SUSD5: variants seen among roughly 807,000 people sequenced by gnomAD.
SUSD5 encodes sushi domain containing 5.
In SUSD5, 33 loss-of-function variants were observed where a neutral mutation model predicts 29.5. That is an observed-to-expected ratio of 1.12 (90% confidence interval 0.85 to 1.49). The LOEUF is 1.49. SUSD5 is among the 40% of genes most tolerant of loss of function. The pLI is 0.00. For synonymous variants in SUSD5, 308 were observed against 325.3 expected (o/e 0.95, Z 0.57); for missense variants, 776 against 800.6 (o/e 0.97, Z 0.37).
intron 3 of SUSD5, among the ~76,000 whole-genome samples, chr3:33,175,692 A>G (rs2031537775): frequency 6.6e-6 from 1 of 151,998 alleles, no homozygotes; most frequent in Non-Finnish European, 1.5e-5. Context: ...TAAAAAATTG[A>G]TTATTTTTTA....
rs1038026228 is a variant in SUSD5, at chr3:33,151,985, A to G, written c.*757T>C. On this transcript the variant is annotated 3_prime_UTR_variant, in exon 5 of 5. Coordinates refer to ENST00000309558, the MANE Select transcript of SUSD5 (RefSeq NM_015551.2). ...CTGCCCTCAGCAACATCACAACATT[A>G]AAAGGAAACAACCCATTATTCTTCC... is the stretch of plus-strand genomic sequence containing the variant. The G allele has an allele frequency of 6.6e-6, 1 of 152,194 alleles. No homozygotes were observed. The highest frequency in any genetic ancestry group is 2.4e-5 in the African/African-American group (1 of 41,446). The allele number at this position is 152,194 out of a possible 1,614,324, so 9.4% of individuals were successfully genotyped here. A position where few individuals can be genotyped will look rare whatever the true frequency, so the allele number is the denominator to read the frequency against.
At chr3:33,155,954 A>C (rs2031041179) in intron 4 of SUSD5, among the ~76,000 whole-genome samples, 1 of 152,176 alleles carries the variant, frequency 6.6e-6, no homozygotes, top group South Asian at 2.1e-4. Context: ...CACCTGTGTC[A>C]AGGCCTAAAT....
intron 4 of SUSD5, among the ~76,000 whole-genome samples, chr3:33,157,098 C>T (rs2031073054): frequency 6.6e-6 from 1 of 152,226 alleles, no homozygotes; most frequent in Non-Finnish European, 1.5e-5. Context: ...CAGTCAGGCC[C>T]TTCACATTCC....
At chr3:33,185,552 A>G (rs2031761043) in intron 3 of SUSD5, among the ~76,000 whole-genome samples, 1 of 151,974 alleles carries the variant, frequency 6.6e-6, no homozygotes, top group Non-Finnish European at 1.5e-5. Flanking sequence ...ATCTGTTTTT[A>G]CCTGTTTCTC....
At position 33,153,097 on chromosome 3, in the gene SUSD5, G is replaced by A. The variant is rs772448037; in HGVS notation, c.1535C>T (p.Ser512Leu). 5.0e-6 allele frequency: 8 copies of A among 1,613,780 alleles called. No homozygotes were observed. In the South Asian group the frequency reaches 6.6e-5, roughly 13 times the overall value. Residue 512 changes from serine (S) to leucine (L), a missense_variant, in exon 5 of 5, where the codon TCA becomes TTA. Coordinates refer to ENST00000309558, the MANE Select transcript of SUSD5 (RefSeq NM_015551.2). ...AGGCTGGGTGGTTGCCATGATCGTTGAGGGGATGTGGTTAGGTGTCTGCTT... is the reference window on the plus strand; with the variant it reads ...AGGCTGGGTGGTTGCCATGATCGTTAAGGGGATGTGGTTAGGTGTCTGCTT... ...TVKQTPNHIPSTIMATTQPPV... is the reference protein window; with the variant it reads ...TVKQTPNHIPLTIMATTQPPV...
In SUSD5 at chr3:33,192,589, C is replaced by A. The variant is rs1006215261; in HGVS notation, c.409+15219G>T. Among the ~76,000 whole-genome samples, 4 of 151,660 alleles carry A rather than the reference C, an allele frequency of 2.6e-5. No individual in the cohort carries two copies. The South Asian group carries it at 8.4e-4, about 32-fold the overall frequency. On this transcript the variant is annotated intron_variant, in intron 3 of 4. Coordinates refer to ENST00000309558, the MANE Select transcript of SUSD5 (RefSeq NM_015551.2). The stretch of plus-strand genomic sequence containing the variant: ...TTAGGAGGCCAAGGCAGGTGGATCA[C>A]CTGAGGTCAGGAGTTCAAGACCAGC...
In SUSD5 at chr3:33,204,568, A is replaced by G. The variant is rs56191408; in HGVS notation, c.409+3240T>C. Reference sequence around the variant, plus strand: ...GATCTCCTGACCTCGTGATACACCCACCTCGGCCTCCCAAAGTGCTGGGAT... The same window carrying G: ...GATCTCCTGACCTCGTGATACACCCGCCTCGGCCTCCCAAAGTGCTGGGAT... On this transcript the variant is annotated intron_variant, in intron 3 of 4. Coordinates refer to ENST00000309558, the MANE Select transcript of SUSD5 (RefSeq NM_015551.2). This position sits in a 1 kb window ranked among gnomAD's most constrained non-coding sequence, Gnocchi z 4.5. Among the ~76,000 whole-genome samples, 18,527 of 151,550 alleles carry G rather than the reference A, an allele frequency of 0.12. 1,231 individuals carry two copies. Among genetic ancestry groups the G allele is most frequent in the East Asian group, 0.18 (912 of 5,138 alleles).
At chr3:33,165,689 C>T (rs1252233916) in intron 4 of SUSD5, among the ~76,000 whole-genome samples, 3 of 152,144 alleles carry the variant, frequency 2.0e-5, no homozygotes, top group Non-Finnish European at 1.5e-5. Flanking sequence ...AAAATTTCAC[C>T]TCATCATGTT....
At chr3:33,206,589 A>T (rs1377795711) in intron 3 of SUSD5, among the ~76,000 whole-genome samples, 1 of 152,124 alleles carries the variant, frequency 6.6e-6, no homozygotes, top group Non-Finnish European at 1.5e-5. Context: ...AGAAAGCAGC[A>T]GATGCAGAGC....
At chr3:33,171,754 C>A (rs533065450) in intron 4 of SUSD5, among the ~76,000 whole-genome samples, 3 of 152,340 alleles carry the variant, frequency 2.0e-5, no homozygotes, top group African/African-American at 7.2e-5. Context: ...ACCTCCTTCA[C>A]ACAGTGAAGC....
chr3:33,195,876 G>C (rs888208179), intron 3 of SUSD5, among the ~76,000 whole-genome samples: 1 of 151,958 alleles, frequency 6.6e-6, no homozygotes, highest in Non-Finnish European at 1.5e-5. Context: ...GATTATGAGA[G>C]ACCTTAATTT....
chr3:33,177,173 G>A (rs1448667416), intron 3 of SUSD5, among the ~76,000 whole-genome samples: 1 of 152,196 alleles, frequency 6.6e-6, no homozygotes, highest in Non-Finnish European at 1.5e-5. Flanking sequence ...CCTTGGTGAT[G>A]ACCTTGAGAA....
chr3:33,198,995 G>C (rs573835489), intron 3 of SUSD5, among the ~76,000 whole-genome samples: 2 of 152,208 alleles, frequency 1.3e-5, no homozygotes, highest in East Asian at 3.9e-4. Flanking sequence ...CTGGCCTCAA[G>C]AATACCCACG....
At chr3:33,159,270 G>A (rs569707255) in intron 4 of SUSD5, among the ~76,000 whole-genome samples, 16 of 152,286 alleles carry the variant, frequency 1.1e-4, no homozygotes, top group African/African-American at 2.9e-4. Flanking sequence ...GACTGATACT[G>A]TCCACGGGAA....
At position 33,153,091 on chromosome 3, in the gene SUSD5, A is replaced by G. The variant is rs771316823; in HGVS notation, c.1541T>C (p.Ile514Thr). 6.2e-7 allele frequency: 1 copy of G among 1,613,642 alleles called. No homozygotes were observed. The highest frequency in any genetic ancestry group is 1.3e-5 in the African/African-American group (1 of 74,860). The change falls in exon 5 of 5, where the codon ATC becomes ACC. Residue 514 changes from isoleucine to threonine, a missense_variant. By Grantham distance (89) the Ile-to-Thr change is moderately conservative (BLOSUM62 -1). Coordinates refer to ENST00000309558, the MANE Select transcript of SUSD5 (RefSeq NM_015551.2). The stretch of plus-strand genomic sequence containing the variant: ...TACTGGAGGCTGGGTGGTTGCCATG[A>G]TCGTTGAGGGGATGTGGTTAGGTGT... ...KQTPNHIPST[I>T]MATTQPPVET... is the part of the protein sequence containing the mutation.
chr3:33,183,585 C>T (rs764259883), intron 3 of SUSD5, among the ~76,000 whole-genome samples: 5 of 152,146 alleles, frequency 3.3e-5, no homozygotes, highest in Non-Finnish European at 5.9e-5. Flanking sequence ...TCATTCAGTT[C>T]ACTATTGAAT....
At chr3:33,197,570 A>T (rs1397926144) in intron 3 of SUSD5, among the ~76,000 whole-genome samples, 1 of 152,130 alleles carries the variant, frequency 6.6e-6, no homozygotes, top group Non-Finnish European at 1.5e-5. Context: ...ACAACAATCA[A>T]GGTATAGAAC....
chr3:33,197,100 C>T (rs2032010504), intron 3 of SUSD5, among the ~76,000 whole-genome samples: 1 of 152,088 alleles, frequency 6.6e-6, no homozygotes, highest in African/African-American at 2.4e-5. Flanking sequence ...GCAAAGCCCA[C>T]AGTTAGAGCT....
chr3:33,211,756 T>G (rs182485520), intron 2 of SUSD5, among the ~76,000 whole-genome samples: 28 of 152,328 alleles, frequency 1.8e-4, no homozygotes, highest in African/African-American at 6.7e-4. Context: ...ACTAAAGAAG[T>G]GTTTATTTCT....
Sources: allele counts gnomAD v4.1 joint callset (sites outside exome capture counted in the v4.1 genomes callset), GRCh38; gene constraint gnomAD v4.1.1; non-coding constraint Gnocchi (gnomAD v3.1); transcripts MANE v1.5; gene names NCBI Gene and HGNC (gene_info 2026-07-23, HGNC 2026-07-21).